Variants in CCDC12 observed in about 807,000 individuals in gnomAD.
CCDC12 encodes coiled-coil domain-containing protein 12.
CCDC12 carries 28 observed loss-of-function variants against 25.7 expected under a neutral mutation model. The observed-to-expected ratio is 1.09, with a 90% CI of 0.81 to 1.50. The LOEUF (loss-of-function observed/expected upper bound fraction) is 1.50, where lower values mean the gene tolerates loss of function less well. Among genes scored for constraint, CCDC12 ranks in the 40% most tolerant of loss-of-function variants. The pLI, the probability that CCDC12 is intolerant of heterozygous loss-of-function variation, is 0.00. For synonymous variants in CCDC12, 75 were observed against 87.7 expected, an observed-to-expected ratio of 0.86 and a Z score of 0.81; for missense variants, 198 against 210.0, an observed-to-expected ratio of 0.94 and a Z score of 0.35.
intron 2 of CCDC12, among the ~76,000 whole-genome samples, chr3:46,939,859 G>A (rs2033622456): frequency 6.6e-6 from 1 of 152,164 alleles, no homozygotes; most frequent in South Asian, 2.1e-4. Context: ...ACTGGTGAAG[G>A]TGAAAAAAGG....
intron 2 of CCDC12, among the ~76,000 whole-genome samples, chr3:46,930,031 CA>C (rs145507739): frequency 0.043 from 1,728 of 39,864 alleles, 5 homozygotes; most frequent in African/African-American, 0.096. Flanking sequence ...GACCCCATCT[CA>C]AAAAAAAAAA....
intron 1 of CCDC12, among the ~76,000 whole-genome samples, chr3:46,973,891 C>T (rs919181485): frequency 8.5e-5 from 13 of 152,048 alleles, no homozygotes; most frequent in African/African-American, 2.9e-4. Context: ...GGATTACAGG[C>T]GTGAGCCACC....
chr3:46,948,326 G>T (rs1575551554), intron 1 of CCDC12, among the ~76,000 whole-genome samples: 1 of 152,248 alleles, frequency 6.6e-6, no homozygotes, highest in Non-Finnish European at 1.5e-5. Flanking sequence ...TCTGAGCAGA[G>T]CAAGAACAAA....
intron 1 of CCDC12, among the ~76,000 whole-genome samples, chr3:46,963,217 G>C (rs1187968850): frequency 6.6e-6 from 1 of 152,156 alleles, no homozygotes; most frequent in Non-Finnish European, 1.5e-5. Context: ...TTCTTGATCT[G>C]AGTGACTGAT....
chr3:46,928,430 G>A (rs1466868972), intron 2 of CCDC12, among the ~76,000 whole-genome samples: 1 of 152,146 alleles, frequency 6.6e-6, no homozygotes, highest in Non-Finnish European at 1.5e-5. Flanking sequence ...ACTGAGCAGA[G>A]CTTCCCATTA....
At chr3:46,944,416 C>G (rs1170988259) in intron 1 of CCDC12, among the ~76,000 whole-genome samples, 1 of 152,108 alleles carries the variant, frequency 6.6e-6, no homozygotes, top group African/African-American at 2.4e-5. Flanking sequence ...CCACAGCCAG[C>G]CCAAGTCCAA....
intron 1 of CCDC12, among the ~76,000 whole-genome samples, chr3:46,941,564 CA>C (rs11306063): frequency 0.95 from 128,986 of 136,072 alleles, 61,363 homozygotes; most frequent in South Asian, 1. Flanking sequence ...GACTCCATCT[CA>C]AAAAAAAAAA....
At position 46,923,912 on chromosome 3, in the gene CCDC12, C is replaced by T. The variant is rs532303499; in HGVS notation, c.245-244G>A. ...TGGGACAGCAGGAGGCAGCCAGCCA[C>T]AGTCAGTCAGGAAGCATGGATGCTG... On this transcript the variant is annotated intron_variant, in intron 3 of 6. Coordinates refer to ENST00000683445, the MANE Select transcript of CCDC12 (RefSeq NM_001277074.2). The T allele has an allele frequency of 2.4e-4, 94 of 394,180 alleles. No individual in the cohort carries two copies. The South Asian group carries it at 9.6e-3, about 40-fold the overall frequency. 24.4% of individuals were successfully genotyped at this position (394,180 alleles called of 1,614,324 possible). A position where few individuals can be genotyped will look rare whatever the true frequency, so the allele number is the denominator to read the frequency against.
chr3:46,928,685 C>A (rs774650888), intron 2 of CCDC12, among the ~76,000 whole-genome samples: 3 of 152,140 alleles, frequency 2.0e-5, no homozygotes, highest in Non-Finnish European at 2.9e-5. Flanking sequence ...AGTTAAGAAG[C>A]CTTCAAGAGA....
chr3:46,952,623 G>A (rs1195143578), intron 1 of CCDC12, among the ~76,000 whole-genome samples: 1 of 152,182 alleles, frequency 6.6e-6, no homozygotes, highest in African/African-American at 2.4e-5. Context: ...CCATTAGAAG[G>A]TGAGCCCTGG....
upstream of CCDC12, among the ~76,000 whole-genome samples, chr3:46,980,081 G>C (rs1438083400): frequency 6.6e-6 from 1 of 151,960 alleles, no homozygotes; most frequent in East Asian, 1.9e-4. Context: ...TGTGCCCCCA[G>C]CCCGCCGGGT....
chr3:46,928,207 C>T (rs2033056133), intron 2 of CCDC12, among the ~76,000 whole-genome samples: 1 of 152,010 alleles, frequency 6.6e-6, no homozygotes, highest in South Asian at 2.1e-4. Flanking sequence ...TGAGATCGCA[C>T]CACTGCACTC....
intron 2 of CCDC12, among the ~76,000 whole-genome samples, chr3:46,934,863 C>T (rs879891894): frequency 6.6e-6 from 1 of 152,236 alleles, no homozygotes; most frequent in East Asian, 1.9e-4. Flanking sequence ...ACTCAGGAGG[C>T]GTGATGGGAG....
At chr3:46,949,428 C>T (rs75723305) in intron 1 of CCDC12, among the ~76,000 whole-genome samples, 3,167 of 152,322 alleles carry the variant, frequency 0.021, 107 homozygotes, top group East Asian at 0.061. Flanking sequence ...AGTCTCTTCC[C>T]CTTCCTTCAT....
intron 1 of CCDC12, among the ~76,000 whole-genome samples, chr3:46,965,030 G>A (rs1229034520): frequency 1.3e-5 from 2 of 151,766 alleles, no homozygotes; most frequent in Non-Finnish European, 2.9e-5. Flanking sequence ...GGACCATAAG[G>A]AAAAAGTCCT....
At chr3:46,947,011 C>T (rs914261005) in intron 1 of CCDC12, among the ~76,000 whole-genome samples, 2 of 152,188 alleles carry the variant, frequency 1.3e-5, no homozygotes, top group Admixed American at 6.5e-5. Context: ...CCTTCTTTAG[C>T]TTCCTGAAGA....
chr3:46,934,863 C>A (rs879891894), intron 2 of CCDC12, among the ~76,000 whole-genome samples: 1 of 152,236 alleles, frequency 6.6e-6, no homozygotes, highest in Admixed American at 6.5e-5. Flanking sequence ...ACTCAGGAGG[C>A]GTGATGGGAG....
chr3:46,962,201 A>AG (rs1336398121), intron 1 of CCDC12, among the ~76,000 whole-genome samples: 3 of 152,060 alleles, frequency 2.0e-5, no homozygotes, highest in South Asian at 2.1e-4. Context: ...TGGGAGGCTG[A>AG]GGGGGGTGGA....
At chr3:46,924,521 A>T (rs891045979) in intron 3 of CCDC12, among the ~76,000 whole-genome samples, 7 of 152,252 alleles carry the variant, frequency 4.6e-5, no homozygotes, top group Non-Finnish European at 8.8e-5. Flanking sequence ...AAATGTATTT[A>T]TTCACTTGTT....
Sources: allele counts gnomAD v4.1 joint callset (sites outside exome capture counted in the v4.1 genomes callset), GRCh38; gene constraint gnomAD v4.1.1; transcripts MANE v1.5; gene names NCBI Gene and HGNC (gene_info 2026-07-23, HGNC 2026-07-21).